The following AREL1 variants were observed in gnomAD, a reference collection of about 807,000 sequenced individuals.
The protein encoded by AREL1 is apoptosis resistant E3 ubiquitin protein ligase 1.
A neutral mutation model predicts 99.0 loss-of-function variants in AREL1; 62 were observed. That is an observed-to-expected ratio of 0.63 (90% confidence interval 0.51 to 0.77). AREL1 has a LOEUF of 0.77. AREL1 is among the 30% of genes least tolerant of loss of function. AREL1 has a pLI of 0.00. For missense variants in AREL1, 879 were observed against 1,027.6 expected (o/e 0.86, Z 1.98); for synonymous variants, 380 against 376.5 (o/e 1.01, Z -0.11).
At chr14:74,695,728 T>C (rs903310984) in intron 1 of AREL1, among the ~76,000 whole-genome samples, 5 of 152,182 alleles carry the variant, frequency 3.3e-5, no homozygotes, top group East Asian at 1.9e-4. Flanking sequence ...TCCTAATAGA[T>C]TGCGGACTCC....
intron 5 of AREL1, among the ~76,000 whole-genome samples, chr14:74,682,024 A>G (rs2089641449): frequency 2.0e-5 from 3 of 152,234 alleles, no homozygotes; most frequent in Admixed American, 2.0e-4. Context: ...CAAAAAATAA[A>G]AAGTTTAATT....
intron 1 of AREL1, among the ~76,000 whole-genome samples, chr14:74,693,556 TCATACA>T (rs1412577507): frequency 6.6e-6 from 1 of 152,200 alleles, no homozygotes; most frequent in South Asian, 2.1e-4. Flanking sequence ...TCTCAGTGCT[TCATACA>T]CATAAACTCA....
intron 9 of AREL1, among the ~76,000 whole-genome samples, 189 bp from the exon 10 acceptor site, chr14:74,673,407 T>C (rs1291253866): frequency 1.3e-5 from 2 of 152,216 alleles, no homozygotes; most frequent in Non-Finnish European, 2.9e-5. Flanking sequence ...AAAATTATTT[T>C]AGTCACAGAG....
At chr14:74,677,116 G>A (rs2089503389) in intron 5 of AREL1, among the ~76,000 whole-genome samples, 1 of 151,492 alleles carries the variant, frequency 6.6e-6, no homozygotes, top group South Asian at 2.1e-4. Flanking sequence ...AACATTTAAA[G>A]GTGCTCTTCA....
intron 1 of AREL1, among the ~76,000 whole-genome samples, chr14:74,710,002 G>A (rs887555025): frequency 2.0e-5 from 3 of 152,166 alleles, no homozygotes; most frequent in Non-Finnish European, 2.9e-5. Context: ...GCAGAAAAAT[G>A]CAAAACAACC....
chr14:74,700,555 G>A (rs1319557372), intron 1 of AREL1, among the ~76,000 whole-genome samples: 1 of 152,154 alleles, frequency 6.6e-6, no homozygotes, highest in Non-Finnish European at 1.5e-5. Context: ...AAGGCAGGTG[G>A]ATCACGAGTT....
At chr14:74,691,630 T>C (rs1237156709) in intron 2 of AREL1, among the ~76,000 whole-genome samples, 1 of 152,164 alleles carries the variant, frequency 6.6e-6, no homozygotes, top group African/African-American at 2.4e-5. Flanking sequence ...TGCAGAAATA[T>C]CACTTGCTTA....
chr14:74,694,967 C>G (rs370810374), intron 1 of AREL1, among the ~76,000 whole-genome samples: 1 of 115,592 alleles, frequency 8.7e-6, no homozygotes, highest in Non-Finnish European at 1.6e-5. Context: ...CCAGCCTGGG[C>G]GATAGAGTGA....
chr14:74,694,436 C>T (rs1480536591), intron 1 of AREL1, among the ~76,000 whole-genome samples: 1 of 152,020 alleles, frequency 6.6e-6, no homozygotes, highest in East Asian at 1.9e-4. Flanking sequence ...TTATGTAGCA[C>T]AAGTCCAAAT....
intron 18 of AREL1, among the ~76,000 whole-genome samples, chr14:74,664,448 C>CTT (rs56728679): frequency 4.7e-3 from 365 of 76,868 alleles, no homozygotes; most frequent in Middle Eastern, 0.012. Flanking sequence ...CTTTTCCTTT[C>CTT]TTTTTTTTTT....
intron 16 of AREL1, 34 bp downstream of exon 16, chr14:74,667,431 T>G (rs1182422864): frequency 6.2e-7 from 1 of 1,614,162 alleles, no homozygotes; most frequent in Admixed American, 1.7e-5. Context: ...TACAGGTATT[T>G]TAACTTCAAG....
chr14:74,711,114 C>T (rs1348880490), intron 1 of AREL1, among the ~76,000 whole-genome samples: 7 of 151,922 alleles, frequency 4.6e-5, no homozygotes, highest in African/African-American at 1.7e-4. Context: ...GCCTGTAATC[C>T]CAGCTACTCA....
chr14:74,670,943 C>A (rs539887374), intron 12 of AREL1, 72 bp from the exon 13 acceptor site: 1 of 1,180,444 alleles, frequency 8.5e-7, no homozygotes, highest in South Asian at 1.3e-5. Context: ...ATTGAGTCAT[C>A]ATTTTATACT....
At chr14:74,711,091 C>T (rs2090272532) in intron 1 of AREL1, among the ~76,000 whole-genome samples, 1 of 151,724 alleles carries the variant, frequency 6.6e-6, no homozygotes, top group Non-Finnish European at 1.5e-5. Flanking sequence ...ATCAGCCAGG[C>T]GTGTTGGCGC....
chr14:74,691,795 GA>G (rs1249864960), intron 2 of AREL1, among the ~76,000 whole-genome samples: 4 of 152,288 alleles, frequency 2.6e-5, no homozygotes, highest in African/African-American at 9.6e-5. Context: ...GGAGTATAAA[GA>G]TTTTTAATTA....
Position 74,661,459 on chromosome 14 carries a change from C to T in AREL1, c.*2261G>A. On this transcript the variant is annotated 3_prime_UTR_variant, in exon 20 of 20. Coordinates refer to ENST00000356357, the MANE Select transcript of AREL1 (RefSeq NM_001039479.2). ...AAAGGCCAGAAGGGTAGCTGGCCCCCCAAGTACCTGGGTCACAAGGACATA... is the reference window on the plus strand; with the variant it reads ...AAAGGCCAGAAGGGTAGCTGGCCCCTCAAGTACCTGGGTCACAAGGACATA... 1 of 340,712 alleles carries T rather than the reference C, an allele frequency of 2.9e-6. No homozygotes were observed. The highest frequency in any genetic ancestry group is 2.2e-5 in the South Asian group (1 of 46,196). 21.1% of individuals were successfully genotyped at this position (340,712 alleles called of 1,614,324 possible).
intron 1 of AREL1, among the ~76,000 whole-genome samples, chr14:74,697,408 C>G (rs1437973093): frequency 6.6e-6 from 1 of 152,164 alleles, no homozygotes; most frequent in Admixed American, 6.5e-5. Flanking sequence ...AAAAAGTGCA[C>G]AGGTTAGGGT....
chr14:74,705,817 A>G (rs746816241), intron 1 of AREL1, among the ~76,000 whole-genome samples: 4 of 152,210 alleles, frequency 2.6e-5, no homozygotes, highest in Non-Finnish European at 5.9e-5. Context: ...TTCTTTTTGT[A>G]TAGTATACAC....
chr14:74,689,139 C>T (rs1335875510), intron 2 of AREL1, among the ~76,000 whole-genome samples: 2 of 151,916 alleles, frequency 1.3e-5, no homozygotes, highest in Non-Finnish European at 2.9e-5. Context: ...TGAGCCACCA[C>T]GCCCAGCCAG....
Sources: allele counts gnomAD v4.1 joint callset (sites outside exome capture counted in the v4.1 genomes callset), GRCh38; gene constraint gnomAD v4.1.1; transcripts MANE v1.5; gene names NCBI Gene and HGNC (gene_info 2026-07-23, HGNC 2026-07-21).